The following THSD4 variants were observed in gnomAD, a reference collection of about 807,000 sequenced individuals.
The protein encoded by THSD4 is thrombospondin type-1 domain-containing protein 4.
In THSD4, 69 loss-of-function variants were observed where a neutral mutation model predicts 119.0. The ratio of observed to expected loss-of-function variants is 0.58; its 90% CI spans 0.48 to 0.71. THSD4 has a LOEUF of 0.71. THSD4 is among the 30% of genes least tolerant of loss of function. THSD4 has a pLI of 0.00. For synonymous variants in THSD4, 524 were observed against 540.4 expected, an observed-to-expected ratio of 0.97 and a Z score of 0.42; for missense variants, 1,393 against 1,391.1, an observed-to-expected ratio of 1.00 and a Z score of -0.02.
intron 6 of THSD4, among the ~76,000 whole-genome samples, chr15:71,355,970 C>T (rs1035913863): frequency 6.6e-5 from 10 of 152,174 alleles, no homozygotes; most frequent in South Asian, 2.1e-4. Flanking sequence ...CAGGTTTCAG[C>T]GATTCTGCTG....
chr15:71,205,979 A>G (rs2140242545), intron 3 of THSD4, among the ~76,000 whole-genome samples: 1 of 150,696 alleles, frequency 6.6e-6, no homozygotes, highest in East Asian at 2.0e-4. Flanking sequence ...CTTGAAATGT[A>G]AGGTTTCACT....
At chr15:71,320,305 A>T (rs1302934096) in intron 6 of THSD4, among the ~76,000 whole-genome samples, 1 of 152,358 alleles carries the variant, frequency 6.6e-6, no homozygotes, top group Admixed American at 6.5e-5. Flanking sequence ...TTTGGAATGT[A>T]CTAAAGACTG....
intron 7 of THSD4, among the ~76,000 whole-genome samples, chr15:71,608,241 TATATATATACACACACAC>T (rs2050151343): frequency 1.2e-5 from 1 of 80,410 alleles, no homozygotes; most frequent in Non-Finnish European, 2.8e-5. Context: ...AAAAAAAATA[TATATATATACACACACAC>T]ACACACACAC....
At chr15:71,708,946 C>T (rs764535729) in intron 8 of THSD4, among the ~76,000 whole-genome samples, 5 of 152,228 alleles carry the variant, frequency 3.3e-5, no homozygotes, top group South Asian at 4.1e-4. Flanking sequence ...CACTGCCACA[C>T]GAAGCAGCGC....
intron 3 of THSD4, among the ~76,000 whole-genome samples, chr15:71,211,281 T>C (rs896605872): frequency 6.6e-6 from 1 of 152,216 alleles, no homozygotes; most frequent in Non-Finnish European, 1.5e-5. Flanking sequence ...TAATAAACCA[T>C]AGACTGGGTG....
intron 3 of THSD4, chr15:71,184,354 C>T (rs1222983088): frequency 6.6e-6 from 1 of 151,744 alleles, no homozygotes; most frequent in Non-Finnish European, 1.5e-5. Context: ...AAATCTCACA[C>T]TTGGGAAATC....
At chr15:71,599,015 T>C (rs1398620605) in intron 7 of THSD4, among the ~76,000 whole-genome samples, 1 of 152,174 alleles carries the variant, frequency 6.6e-6, no homozygotes, top group Non-Finnish European at 1.5e-5. Flanking sequence ...TTTCAACTAA[T>C]CCGATTTGCT....
intron 3 of THSD4, among the ~76,000 whole-genome samples, chr15:71,196,477 C>T (rs535655017): frequency 1.3e-5 from 2 of 152,114 alleles, no homozygotes; most frequent in Admixed American, 6.5e-5. Context: ...CCAGAAGACT[C>T]GATAACTGAC....
intron 7 of THSD4, among the ~76,000 whole-genome samples, chr15:71,526,785 C>T (rs999180700): frequency 2.6e-5 from 4 of 152,124 alleles, no homozygotes; most frequent in African/African-American, 9.7e-5. Flanking sequence ...TGATGTGTAT[C>T]TAAAATTTGT....
intron 7 of THSD4, among the ~76,000 whole-genome samples, chr15:71,608,186 A>C (rs998751587): frequency 4.1e-5 from 6 of 147,708 alleles, no homozygotes; most frequent in Non-Finnish European, 8.9e-5. Flanking sequence ...TCGCGCCACT[A>C]TACTCCAGCC....
At chr15:71,112,181 A>G (rs2040310238), upstream of THSD4, 1 of 1,613,736 alleles carries the variant, frequency 6.2e-7, no homozygotes, top group South Asian at 1.1e-5. Flanking sequence ...GCTGGGAACC[A>G]CAGGAGAAAT....
chr15:71,319,180 C>T (rs1443948289), intron 6 of THSD4, among the ~76,000 whole-genome samples: 9 of 152,246 alleles, frequency 5.9e-5, no homozygotes, highest in African/African-American at 2.2e-4. Context: ...CCTTAGGACA[C>T]TCCTGGTATG....
At chr15:71,354,213 T>A (rs1405436708) in intron 6 of THSD4, among the ~76,000 whole-genome samples, 1 of 152,210 alleles carries the variant, frequency 6.6e-6, no homozygotes, top group Non-Finnish European at 1.5e-5. Flanking sequence ...GAGGATCACT[T>A]GAGTCTAGGA....
At chr15:71,561,455 A>G (rs947071071) in intron 7 of THSD4, among the ~76,000 whole-genome samples, 10 of 152,190 alleles carry the variant, frequency 6.6e-5, no homozygotes, top group African/African-American at 1.9e-4. Context: ...GACTAAGGGA[A>G]TTGTGAAATC....
intron 6 of THSD4, among the ~76,000 whole-genome samples, chr15:71,286,548 G>A (rs1596315310): frequency 6.6e-6 from 1 of 152,168 alleles, no homozygotes; most frequent in Admixed American, 6.5e-5. Flanking sequence ...TCTTTAGTCA[G>A]TCTATCCTTG....
chr15:71,389,428 A>G (rs2046341265), intron 6 of THSD4, among the ~76,000 whole-genome samples: 3 of 150,096 alleles, frequency 2.0e-5, no homozygotes, highest in Non-Finnish European at 4.4e-5. Flanking sequence ...AATCACCTCA[A>G]GGTTCATCCA....
chr15:71,731,268 C>G (rs187783217), intron 10 of THSD4, 51 bp downstream of exon 10: 9 of 1,536,880 alleles, frequency 5.9e-6, no homozygotes, highest in Non-Finnish European at 8.1e-6. Context: ...CCTTGTAAAG[C>G]CTTCTCTCTC....
intron 6 of THSD4, among the ~76,000 whole-genome samples, chr15:71,378,327 G>A (rs1482077545): frequency 6.6e-6 from 1 of 152,172 alleles, no homozygotes; most frequent in East Asian, 1.9e-4. Context: ...GATGAAAGTG[G>A]CCTGGAGAGC....
intron 1 of THSD4, among the ~76,000 whole-genome samples, chr15:71,098,343 G>A (rs55692105): frequency 0.52 from 4,494 of 8,650 alleles, 219 homozygotes; most frequent in African/African-American, 0.53. Flanking sequence ...CTATAGGCCC[G>A]TGCCACCACC....
Sources: gnomAD v4.1 joint callset for allele counts (sites outside exome capture counted in the v4.1 genomes callset) on GRCh38, gnomAD v4.1.1 for gene constraint, MANE v1.5 for transcripts, NCBI Gene and HGNC (gene_info 2026-07-23, HGNC 2026-07-21) for gene names.